Variants in ROBO2 observed in about 807,000 individuals in gnomAD.
ROBO2 encodes the protein roundabout homolog 2.
In ROBO2, 53 loss-of-function variants were observed where a neutral mutation model predicts 160.8. The observed-to-expected ratio is 0.33, with a 90% CI of 0.26 to 0.41. ROBO2 has a LOEUF of 0.41. ROBO2 is among the 10% of genes least tolerant of loss of function. ROBO2 has a pLI of 1.00. For missense variants in ROBO2, 1,577 were observed against 1,722.4 expected (o/e 0.92, Z 1.49); for synonymous variants, 664 against 611.7 (o/e 1.09, Z -1.26).
chr3:76,109,319 A>T lies in ROBO2; in HGVS notation c.109+171717A>T, dbSNP rs115405924. 2.4e-3 allele frequency among the ~76,000 whole-genome samples: 371 copies of T among 152,148 alleles called. 1 individual carries two copies. Among genetic ancestry groups the T allele is most frequent in the African/African-American group, 7.1e-3 (297 of 41,570 alleles). On this transcript the variant is annotated intron_variant, in intron 2 of 26. Transcript: ENST00000487694. ...ATTGGTAGGAACAAAATTAGAGGCC[A>T]TAATACCTTTTAAAAAAACTAAAGA...
In ROBO2 at chr3:75,985,671, C is replaced by T. The variant is rs72890334; in HGVS notation, c.109+48069C>T. On this transcript the variant is annotated intron_variant, in intron 2 of 26. Transcript: ENST00000487694. ...GTGCAATAATCATCACCATCCATCT[C>T]CAGAGCTCTTTAGTCTTGTGAAACT... Among the ~76,000 whole-genome samples the T allele has an allele frequency of 6.7e-3, 1,016 of 151,654 alleles. 13 individuals are homozygous for T. Among genetic ancestry groups the T allele is most frequent in the African/African-American group, 0.023 (961 of 41,488 alleles).
chr3:76,953,519 C>G (rs947451968), intron 2 of ROBO2, among the ~76,000 whole-genome samples: 5 of 152,144 alleles, frequency 3.3e-5, no homozygotes, highest in African/African-American at 9.7e-5. Context: ...TCTATACATT[C>G]GAGGACCCCA....
intron 6 of ROBO2, among the ~76,000 whole-genome samples, chr3:77,542,491 C>A (rs2092513138): frequency 6.6e-6 from 1 of 152,128 alleles, no homozygotes; most frequent in Non-Finnish European, 1.5e-5. Flanking sequence ...CAACACATTT[C>A]CGACTTGGAG....
Position 75,940,749 on chromosome 3 carries a change from A to C in ROBO2, c.109+3147A>C, listed in dbSNP as rs979338746. Among the ~76,000 whole-genome samples, 32 of 152,164 alleles carry C rather than the reference A, an allele frequency of 2.1e-4. 1 individual carries two copies. ...ACATTTTCAAATAACTAAGTTCAGC[A>C]CTGACTTTGGGAGAATCTAGATAAA... is the stretch of plus-strand genomic sequence containing the variant. On this transcript the variant is annotated intron_variant, in intron 2 of 26. Transcript: ENST00000487694.
intron 2 of ROBO2, among the ~76,000 whole-genome samples, chr3:77,104,959 G>GT (rs2072585061): frequency 6.6e-6 from 1 of 152,152 alleles, no homozygotes; most frequent in African/African-American, 2.4e-5. Context: ...TAATCTTACT[G>GT]TTTGAGTCTT....
At chr3:77,212,084 G>T (rs1299181516) in intron 2 of ROBO2, among the ~76,000 whole-genome samples, 3 of 151,992 alleles carry the variant, frequency 2.0e-5, no homozygotes, top group African/African-American at 2.4e-5. Flanking sequence ...ATATGAGCTT[G>T]AAAGTAGTTT....
chr3:77,437,275 G>A (rs2079391763), intron 2 of ROBO2, among the ~76,000 whole-genome samples: 2 of 151,868 alleles, frequency 1.3e-5, no homozygotes, highest in Admixed American at 6.6e-5. Context: ...CTAAAAGTTT[G>A]TTTATGATAT....
At chr3:76,325,567 G>T (rs1444283374) in intron 2 of ROBO2, among the ~76,000 whole-genome samples, 1 of 152,052 alleles carries the variant, frequency 6.6e-6, no homozygotes, top group East Asian at 1.9e-4. Context: ...TAAACAGTTG[G>T]TTGTAGCCTG....
chr3:76,912,418 G>A (rs1348893316), intron 2 of ROBO2, among the ~76,000 whole-genome samples: 1 of 152,062 alleles, frequency 6.6e-6, no homozygotes, highest in Non-Finnish European at 1.5e-5. Flanking sequence ...AAATCACAGG[G>A]ACAACCCAGC....
chr3:76,648,579 G>A (rs1165151679), intron 2 of ROBO2, among the ~76,000 whole-genome samples: 2 of 151,802 alleles, frequency 1.3e-5, no homozygotes, highest in Non-Finnish European at 2.9e-5. Context: ...TGATTATATA[G>A]GAAAATGCTG....
chr3:76,643,750 GC>G (rs1210232551), intron 2 of ROBO2, among the ~76,000 whole-genome samples: 1 of 152,178 alleles, frequency 6.6e-6, no homozygotes, highest in African/African-American at 2.4e-5. Flanking sequence ...TGTAACAGAA[GC>G]CTTTCCATTT....
At chr3:76,517,321 G>GA (rs1186528180) in intron 2 of ROBO2, among the ~76,000 whole-genome samples, 8 of 151,876 alleles carry the variant, frequency 5.3e-5, no homozygotes, top group Non-Finnish European at 8.8e-5. Flanking sequence ...TAACTAAAAG[G>GA]AAAAATAAAA....
chr3:76,983,282 G>A (rs760721580), intron 2 of ROBO2, among the ~76,000 whole-genome samples: 37 of 151,474 alleles, frequency 2.4e-4, no homozygotes, highest in Admixed American at 4.6e-4. Context: ...GTGAGACTCC[G>A]TCTCAAAAAA....
intron 2 of ROBO2, among the ~76,000 whole-genome samples, chr3:75,975,958 C>T (rs73127313): frequency 0.031 from 4,685 of 151,454 alleles, 105 homozygotes; most frequent in Non-Finnish European, 0.051. Context: ...GATTTGGGGC[C>T]ATAGAACTCC....
intron 2 of ROBO2, among the ~76,000 whole-genome samples, chr3:76,785,825 AC>A (rs948552255): frequency 1.3e-5 from 2 of 151,288 alleles, no homozygotes; most frequent in African/African-American, 4.8e-5. Flanking sequence ...GATGTATCAC[AC>A]TTTATCTAAA....
intron 2 of ROBO2, among the ~76,000 whole-genome samples, chr3:76,071,039 C>T (rs369340835): frequency 2.0e-5 from 3 of 152,248 alleles, no homozygotes; most frequent in East Asian, 1.9e-4. Context: ...TTTCTACCAT[C>T]GTGAAAATTT....
intron 2 of ROBO2, among the ~76,000 whole-genome samples, chr3:76,373,764 C>G (rs943373453): frequency 1.3e-4 from 20 of 151,932 alleles, no homozygotes; most frequent in African/African-American, 4.8e-4. Flanking sequence ...TAAAACTAAT[C>G]GTTATCATTG....
intron 2 of ROBO2, among the ~76,000 whole-genome samples, chr3:77,296,255 G>C (rs942754787): frequency 1.3e-5 from 2 of 151,702 alleles, no homozygotes; most frequent in Non-Finnish European, 2.9e-5. Flanking sequence ...AAGTAGAATT[G>C]ATGGTTAAAC....
intron 2 of ROBO2, among the ~76,000 whole-genome samples, chr3:76,328,751 C>G (rs569954842): frequency 3.3e-5 from 5 of 151,878 alleles, no homozygotes; most frequent in East Asian, 2.0e-4. Context: ...CTCAGCTACT[C>G]GGGAGGCTGA....
Sources: allele counts gnomAD v4.1 joint callset (sites outside exome capture counted in the v4.1 genomes callset), GRCh38; gene constraint gnomAD v4.1.1; transcripts MANE v1.5; gene names NCBI Gene and HGNC (gene_info 2026-07-23, HGNC 2026-07-21).